ADAMTS18: variants seen among roughly 807,000 people sequenced by gnomAD.
ADAMTS18 encodes ADAM metallopeptidase with thrombospondin type 1 motif 18, also known as A disintegrin and metalloproteinase with thrombospondin motifs 18.
Under a neutral mutation model 165.9 loss-of-function variants are expected in ADAMTS18, and 157 were observed. That is an observed-to-expected ratio of 0.95 (90% confidence interval 0.83 to 1.08). The LOEUF is 1.08. ADAMTS18 is among the 50% of genes least tolerant of loss of function. The pLI, the probability that ADAMTS18 is intolerant of heterozygous loss-of-function variation, is 0.00. For missense variants in ADAMTS18, 2,040 were observed against 1,534.0 expected (o/e 1.33, Z -5.51); for synonymous variants, 782 against 578.2 (o/e 1.35, Z -5.06).
In ADAMTS18 at chr16:77,431,404, T is replaced by C. The variant is rs141745217; in HGVS notation, c.386A>G (p.Lys129Arg). 88 of 1,614,172 alleles carry C rather than the reference T, an allele frequency of 5.5e-5. No homozygotes were observed. The African/African-American group carries it at 9.7e-4, about 18-fold the overall frequency. The change falls in exon 3 of 23, where the codon AAA becomes AGA. Residue 129 changes from lysine to arginine, a missense_variant. Physicochemically the swap from Lys to Arg is conservative, Grantham distance 26. Transcript: ENST00000282849. ...SSHFIVQVLG[K>R]DGASETQKPE... Reference sequence around the variant, plus strand: ...TTTCTGAGTCTCTGAAGCACCATCTTTTCCAAGTACCTGGACAATAAAGTG... The same window carrying C: ...TTTCTGAGTCTCTGAAGCACCATCTCTTCCAAGTACCTGGACAATAAAGTG...
intron 3 of ADAMTS18, among the ~76,000 whole-genome samples, chr16:77,405,398 T>C (rs183064082): frequency 9.3e-4 from 142 of 152,288 alleles, no homozygotes; most frequent in Admixed American, 5.0e-3. Flanking sequence ...TAGGACAGAT[T>C]TATTGTAATG....
intron 16 of ADAMTS18, among the ~76,000 whole-genome samples, chr16:77,304,386 A>T (rs928037163): frequency 6.6e-6 from 1 of 152,192 alleles, no homozygotes; most frequent in African/African-American, 2.4e-5. Context: ...GCTTGAGCTC[A>T]GGAGTTGGAA....
At chr16:77,391,467 G>C (rs957412057) in intron 3 of ADAMTS18, among the ~76,000 whole-genome samples, 1 of 151,270 alleles carries the variant, frequency 6.6e-6, no homozygotes, top group Non-Finnish European at 1.5e-5. Flanking sequence ...ACTCCAGCCT[G>C]GGCAACAGCG....
chr16:77,289,459 A>C, intron 21 of ADAMTS18, 48 bp from the exon 22 acceptor site: 1 of 1,601,404 alleles, frequency 6.2e-7, no homozygotes, highest in East Asian at 2.2e-5. Flanking sequence ...TACTGAGGTC[A>C]GTGACATCAA....
intron 9 of ADAMTS18, 108 bp from the exon 10 acceptor site, chr16:77,353,994 C>G (rs2056593469): frequency 7.5e-7 from 1 of 1,333,662 alleles, no homozygotes; most frequent in Non-Finnish European, 1.1e-6. Flanking sequence ...TAGCATGGTT[C>G]TAGAAACAGG....
chr16:77,289,839 C>G (rs2055328655), intron 21 of ADAMTS18, among the ~76,000 whole-genome samples: 1 of 152,156 alleles, frequency 6.6e-6, no homozygotes, highest in Non-Finnish European at 1.5e-5. Flanking sequence ...TGGTCAGAGA[C>G]AGCTCTGGAA....
intron 10 of ADAMTS18, among the ~76,000 whole-genome samples, chr16:77,343,855 T>G (rs1021634692): frequency 2.6e-5 from 4 of 152,144 alleles, no homozygotes; most frequent in Non-Finnish European, 5.9e-5. Context: ...GCACATTCTA[T>G]TTCCAAAGAT....
intron 12 of ADAMTS18, among the ~76,000 whole-genome samples, chr16:77,328,335 C>T (rs1243280060): frequency 3.3e-5 from 5 of 152,104 alleles, no homozygotes; most frequent in African/African-American, 9.7e-5. Context: ...TCTTGTATAA[C>T]ATGAAAGGCG....
chr16:77,285,457 G>A (rs2055231069), intron 22 of ADAMTS18, among the ~76,000 whole-genome samples: 1 of 137,718 alleles, frequency 7.3e-6, no homozygotes. Flanking sequence ...ACAGGTGTGA[G>A]GCACACCCCC....
intron 7 of ADAMTS18, among the ~76,000 whole-genome samples, chr16:77,361,450 T>G (rs1875743612): frequency 6.6e-6 from 1 of 152,234 alleles, no homozygotes; most frequent in Non-Finnish European, 1.5e-5. Context: ...TGTTACCTAG[T>G]GGCACAGTTA....
chr16:77,375,055 C>T (rs1421485489), intron 3 of ADAMTS18, among the ~76,000 whole-genome samples: 9 of 152,034 alleles, frequency 5.9e-5, no homozygotes, highest in Non-Finnish European at 1.2e-4. Flanking sequence ...TTTGAGATAT[C>T]GAAAACAAGC....
At chr16:77,320,896 A>C (rs907175469) in intron 15 of ADAMTS18, among the ~76,000 whole-genome samples, 183 bp downstream of exon 15, 3 of 152,236 alleles carry the variant, frequency 2.0e-5, no homozygotes, top group Non-Finnish European at 4.4e-5. Flanking sequence ...TGTTTCTACG[A>C]GGTAATGTAT....
rs1567453750 is a variant in ADAMTS18, at chr16:77,289,350, CG to C, written c.3463del (p.Arg1155GlyfsTer35). 6.2e-7 allele frequency: 1 copy of C among 1,614,082 alleles called. No individual in the cohort carries two copies. Among genetic ancestry groups the C allele is most frequent in the Non-Finnish European group, 8.5e-7 (1 of 1,180,000 alleles). Reference sequence around the variant, plus strand: ...ATGGAGCAGACAACTTGAGGAAGGCCGGCCTTGCTGAACACAGTGGACTGAC... The same window carrying C: ...ATGGAGCAGACAACTTGAGGAAGGCCGCCTTGCTGAACACAGTGGACTGAC... ...TRSVHCVQQG[R>X]PSSSCLLHQK... On this transcript the variant is annotated frameshift_variant, in exon 22 of 23. Transcript: ENST00000282849. LOFTEE classifies it high-confidence loss of function.
intron 3 of ADAMTS18, among the ~76,000 whole-genome samples, chr16:77,384,270 T>C (rs2057074809): frequency 6.6e-6 from 1 of 152,202 alleles, no homozygotes; most frequent in African/African-American, 2.4e-5. Flanking sequence ...TCAGAAACAT[T>C]ATATCCTTTT....
chr16:77,352,704 G>C (rs546643412), intron 10 of ADAMTS18, among the ~76,000 whole-genome samples: 1 of 152,270 alleles, frequency 6.6e-6, no homozygotes, highest in East Asian at 1.9e-4. Flanking sequence ...AACAGGAGTA[G>C]AGGGGGAAAG....
At chr16:77,284,674 T>C (rs1820253) in intron 22 of ADAMTS18, among the ~76,000 whole-genome samples, 46,456 of 152,026 alleles carry the variant, frequency 0.31, 7,760 homozygotes, top group African/African-American at 0.41. Flanking sequence ...CCAAGATCAA[T>C]GTCTGATCCT....
intron 3 of ADAMTS18, among the ~76,000 whole-genome samples, chr16:77,372,294 A>T (rs927765730): frequency 1.3e-5 from 2 of 152,358 alleles, no homozygotes; most frequent in East Asian, 3.9e-4. Flanking sequence ...TGAACTCAGT[A>T]TGTTGAAGAG....
At chr16:77,312,839 G>A (rs951165058) in intron 16 of ADAMTS18, among the ~76,000 whole-genome samples, 2 of 152,116 alleles carry the variant, frequency 1.3e-5, no homozygotes, top group Non-Finnish European at 2.9e-5. Flanking sequence ...CTTTTACACC[G>A]TTGGTGGGAC....
intron 3 of ADAMTS18, among the ~76,000 whole-genome samples, chr16:77,368,739 G>T (rs9940670): frequency 0.28 from 41,852 of 151,884 alleles, 6,426 homozygotes; most frequent in East Asian, 0.57. Context: ...CTAAATCAAT[G>T]TTTTTAAAAA....
Sources: gnomAD v4.1 joint callset for allele counts (sites outside exome capture counted in the v4.1 genomes callset) on GRCh38, gnomAD v4.1.1 for gene constraint, MANE v1.5 for transcripts, NCBI Gene and HGNC (gene_info 2026-07-23, HGNC 2026-07-21) for gene names.